The following STRBP variants were observed in gnomAD, a reference collection of about 807,000 sequenced individuals.
STRBP encodes the protein spermatid perinuclear RNA binding protein, also known as spermatid perinuclear RNA-binding protein.
STRBP carries 13 observed loss-of-function variants against 80.1 expected under a neutral mutation model. The observed-to-expected ratio is 0.16, with a 90% CI of 0.11 to 0.26. The LOEUF (loss-of-function observed/expected upper bound fraction) is 0.26, where lower values mean the gene tolerates loss of function less well. STRBP is among the 10% of genes least tolerant of loss of function. The pLI is 1.00. For missense variants in STRBP, 485 were observed against 815.2 expected, an observed-to-expected ratio of 0.59 and a Z score of 4.93; for synonymous variants, 284 against 291.2, an observed-to-expected ratio of 0.98 and a Z score of 0.25.
At chr9:123,200,244 T>C (rs942266339) in intron 2 of STRBP, among the ~76,000 whole-genome samples, 7 of 152,212 alleles carry the variant, frequency 4.6e-5, no homozygotes, top group Non-Finnish European at 1.0e-4. Flanking sequence ...ACTTCGATTC[T>C]GTACCCATTC....
chr9:123,136,784 C>A lies in STRBP; in HGVS notation c.1498-269G>T, dbSNP rs1260265484. Among the ~76,000 whole-genome samples the A allele has an allele frequency of 6.6e-6, 1 of 152,186 alleles. No individual in the cohort carries two copies. The highest frequency in any genetic ancestry group is 1.5e-5 in the Non-Finnish European group (1 of 68,038). Reference sequence around the variant, plus strand: ...TGCAACCTCACCACTGTGGGCCACTCCAGGCTCTGCTCTGTAGTGTTCGTG... The same window carrying A: ...TGCAACCTCACCACTGTGGGCCACTACAGGCTCTGCTCTGTAGTGTTCGTG... On this transcript the variant is annotated intron_variant, in intron 14 of 18. Coordinates refer to ENST00000348403, the MANE Select transcript of STRBP (RefSeq NM_018387.5). This position sits in a 1 kb window ranked among gnomAD's most constrained non-coding sequence, Gnocchi z 4.2.
intron 2 of STRBP, among the ~76,000 whole-genome samples, chr9:123,197,667 CTT>C (rs71388358): frequency 2.3e-5 from 2 of 87,378 alleles, no homozygotes; most frequent in Non-Finnish European, 2.0e-5. Flanking sequence ...AAACATATTT[CTT>C]TTTTTTTTTT....
At chr9:123,163,537 G>A (rs2037616209) in intron 6 of STRBP, among the ~76,000 whole-genome samples, 1 of 152,092 alleles carries the variant, frequency 6.6e-6, no homozygotes, top group Admixed American at 6.5e-5. Flanking sequence ...AAAAGCAAAA[G>A]ATCCAAAATG....
chr9:123,212,689 T>A (rs1323413523), intron 2 of STRBP: 1 of 152,138 alleles, frequency 6.6e-6, no homozygotes, highest in Non-Finnish European at 1.5e-5. Context: ...TTGAAGACAA[T>A]CTAGAAATAG....
intron 18 of STRBP, among the ~76,000 whole-genome samples, chr9:123,127,417 C>T (rs1427257854): frequency 1.3e-5 from 2 of 152,216 alleles, no homozygotes; most frequent in African/African-American, 2.4e-5. Context: ...CACACACACA[C>T]TCTCATGCTC....
Position 123,181,737 on chromosome 9 carries a change from T to G in STRBP, c.3+2395A>C, listed in dbSNP as rs536662747. ...ATTGCTTGAACCCAGGAGGCGGAGG[T>G]TGCAGTGAGCTGAGATCACACAATT... is the stretch of plus-strand genomic sequence containing the variant. On this transcript the variant is annotated intron_variant, in intron 3 of 18. Transcript: ENST00000348403. Among the ~76,000 whole-genome samples the G allele has an allele frequency of 4.5e-5, 5 of 111,076 alleles. No homozygotes were observed. In the East Asian group the frequency reaches 1.0e-3, roughly 23 times the overall value. The allele number at this position is 111,076 out of a possible 152,430, so 72.9% of individuals were successfully genotyped here.
chr9:123,223,880 C>G (rs2132560983), intron 2 of STRBP, among the ~76,000 whole-genome samples: 1 of 152,260 alleles, frequency 6.6e-6, no homozygotes, highest in East Asian at 1.9e-4. Flanking sequence ...CAAGAAGCCA[C>G]TTTATTAATG....
At chr9:123,205,420 GCAAAA>G (rs961918644) in intron 2 of STRBP, among the ~76,000 whole-genome samples, 1 of 152,144 alleles carries the variant, frequency 6.6e-6, no homozygotes, top group Non-Finnish European at 1.5e-5. Flanking sequence ...ACAGAGCATG[GCAAAA>G]CAAAACAAAA....
intron 5 of STRBP, among the ~76,000 whole-genome samples, chr9:123,170,867 T>C (rs1014803096): frequency 6.6e-6 from 1 of 152,182 alleles, no homozygotes; most frequent in Non-Finnish European, 1.5e-5. Flanking sequence ...TTAGTGTCTA[T>C]TACCTGACAT....
At chr9:123,179,779 C>A (rs2038376132) in intron 3 of STRBP, among the ~76,000 whole-genome samples, 2 of 152,062 alleles carry the variant, frequency 1.3e-5, no homozygotes, top group Non-Finnish European at 2.9e-5. Context: ...TATCTTTTAG[C>A]TGAACCTACA....
chr9:123,246,226 G>C (rs569866749), intron 1 of STRBP, among the ~76,000 whole-genome samples: 2 of 152,126 alleles, frequency 1.3e-5, no homozygotes, highest in South Asian at 2.1e-4. Flanking sequence ...GAAACATTTC[G>C]AATGAAGTAT....
intron 2 of STRBP, chr9:123,212,438 G>A (rs1004232297): frequency 1.3e-5 from 2 of 152,184 alleles, no homozygotes; most frequent in African/African-American, 2.4e-5. Flanking sequence ...TTTATTAGCT[G>A]CAAGGTTTTA....
intron 1 of STRBP, among the ~76,000 whole-genome samples, chr9:123,241,702 T>A (rs2040699515): frequency 6.6e-6 from 1 of 152,178 alleles, no homozygotes; most frequent in African/African-American, 2.4e-5. Flanking sequence ...GTTGACTCTA[T>A]CTTGAAAATA....
intron 14 of STRBP, among the ~76,000 whole-genome samples, chr9:123,138,272 T>C (rs2036444205): frequency 6.6e-6 from 1 of 152,210 alleles, no homozygotes; most frequent in South Asian, 2.1e-4. Flanking sequence ...TTTTTTCTTT[T>C]AGTATATGTA....
chr9:123,201,434 T>A (rs1257277967), intron 2 of STRBP, among the ~76,000 whole-genome samples: 1 of 152,202 alleles, frequency 6.6e-6, no homozygotes, highest in African/African-American at 2.4e-5. Context: ...TCAAAGAATT[T>A]TAAAATTTCC....
At chr9:123,120,829 A>T (rs189518235), downstream of STRBP, among the ~76,000 whole-genome samples, 67 of 152,358 alleles carry the variant, frequency 4.4e-4, no homozygotes, top group African/African-American at 1.6e-3. Context: ...TGCCAGGGAA[A>T]TATTTTAAAT....
intron 17 of STRBP, among the ~76,000 whole-genome samples, chr9:123,129,356 CAAT>C (rs987364520): frequency 1.3e-5 from 2 of 151,758 alleles, no homozygotes; most frequent in African/African-American, 4.8e-5. Flanking sequence ...GATCATGTCT[CAAT>C]AATAATAATA....
chr9:123,153,777 TATTA>T (rs1156599800), intron 11 of STRBP, among the ~76,000 whole-genome samples: 4 of 152,146 alleles, frequency 2.6e-5, no homozygotes, highest in Non-Finnish European at 5.9e-5. Context: ...GGGATGGAAG[TATTA>T]ATTTGGGACA....
intron 1 of STRBP, among the ~76,000 whole-genome samples, chr9:123,244,922 T>A (rs1270343773): frequency 3.3e-5 from 5 of 152,292 alleles, no homozygotes; most frequent in African/African-American, 1.2e-4. Flanking sequence ...AACAGGTGAA[T>A]GACTAAACTG....
Sources: allele counts gnomAD v4.1 joint callset (sites outside exome capture counted in the v4.1 genomes callset), GRCh38; gene constraint gnomAD v4.1.1; non-coding constraint Gnocchi (gnomAD v3.1); transcripts MANE v1.5; gene names NCBI Gene and HGNC (gene_info 2026-07-23, HGNC 2026-07-21).